The following PLCL1 variants were observed in gnomAD, a reference collection of about 807,000 sequenced individuals.
PLCL1 encodes the protein phospholipase C like 1 (inactive), also known as inactive phospholipase C-like protein 1.
A neutral mutation model predicts 84.4 loss-of-function variants in PLCL1; 41 were observed. That is an observed-to-expected ratio of 0.49 (90% CI 0.38 to 0.63). PLCL1 has a LOEUF of 0.63. Ranked by LOEUF, PLCL1 falls within the 30% of genes least tolerant of loss-of-function variation. The pLI, the probability that PLCL1 is intolerant of heterozygous loss-of-function variation, is 0.00. For synonymous variants in PLCL1, 490 were observed against 488.3 expected (o/e 1.00, Z -0.05); for missense variants, 1,206 against 1,367.8 (o/e 0.88, Z 1.87).
At chr2:197,851,187 G>A (rs535840836) in intron 1 of PLCL1, among the ~76,000 whole-genome samples, 1 of 152,228 alleles carries the variant, frequency 6.6e-6, no homozygotes, top group Admixed American at 6.5e-5. Context: ...ATACCTCCAG[G>A]AAATAAACCT....
intron 1 of PLCL1, among the ~76,000 whole-genome samples, chr2:197,830,365 C>T (rs886223494): frequency 1.8e-4 from 28 of 151,470 alleles, no homozygotes; most frequent in Non-Finnish European, 1.8e-4. Flanking sequence ...ACGAGAACTT[C>T]GTGAAACATA....
rs1692950649 is a variant in PLCL1 at position 198,088,895 on chromosome 2, C to T, written c.2753C>T (p.Pro918Leu). Reference protein sequence around the residue: ...IVSIKELCGLPPIASLKQCLL... With the variant: ...IVSIKELCGLLPIASLKQCLL... ...TCTATTAAGGAACTATGTGGACTCC[C>T]TCCAATTGCCAGTCTGAAGCAGTGC... is the stretch of plus-strand genomic sequence containing the variant. The change falls in exon 3 of 6, where the codon CCT (proline) becomes CTT (leucine). Residue 918 changes from proline (P) to leucine (L), a missense_variant. Pro to Leu is a moderately conservative substitution (Grantham distance 98, BLOSUM62 -3). Transcript: ENST00000428675. 5 of 1,612,910 alleles carry T rather than the reference C, an allele frequency of 3.1e-6. No individual in the cohort carries two copies. Among genetic ancestry groups the T allele is most frequent in the Non-Finnish European group, 4.2e-6 (5 of 1,178,876 alleles).
chr2:197,838,972 T>G (rs1206414292), intron 1 of PLCL1, among the ~76,000 whole-genome samples: 1 of 152,254 alleles, frequency 6.6e-6, no homozygotes, highest in East Asian at 1.9e-4. Flanking sequence ...TTGGTGCATA[T>G]GCATTTATGT....
At chr2:198,021,506 T>C (rs1416169776) in intron 1 of PLCL1, among the ~76,000 whole-genome samples, 1 of 151,414 alleles carries the variant, frequency 6.6e-6, no homozygotes, top group Non-Finnish European at 1.5e-5. Context: ...GCCAGAGTAA[T>C]AAAGAAGAAA....
intron 1 of PLCL1, among the ~76,000 whole-genome samples, chr2:197,891,593 T>C (rs1373501695): frequency 6.7e-6 from 1 of 149,940 alleles, no homozygotes; most frequent in Non-Finnish European, 1.5e-5. Context: ...TTTTTTTTGA[T>C]AGGTGAAGTC....
intron 1 of PLCL1, among the ~76,000 whole-genome samples, chr2:198,009,745 A>G (rs796919111): frequency 7.2e-5 from 11 of 152,064 alleles, no homozygotes; most frequent in East Asian, 1.9e-4. Flanking sequence ...TAGAGTTTGC[A>G]TTGTATCTGT....
chr2:197,917,756 G>A (rs1376855329), intron 1 of PLCL1, among the ~76,000 whole-genome samples: 1 of 152,120 alleles, frequency 6.6e-6, no homozygotes, highest in South Asian at 2.1e-4. Flanking sequence ...AGATGTACGC[G>A]ATGAACCTGT....
intron 1 of PLCL1, among the ~76,000 whole-genome samples, chr2:197,923,254 G>C (rs1439421586): frequency 2.0e-5 from 3 of 148,696 alleles, no homozygotes; most frequent in South Asian, 2.1e-4. Flanking sequence ...CGGGCGGGGG[G>C]CTGACCCCCC....
chr2:198,089,823 A>G (rs760357118), intron 3 of PLCL1, among the ~76,000 whole-genome samples: 79 of 152,230 alleles, frequency 5.2e-4, no homozygotes, highest in Non-Finnish European at 1.3e-4. Context: ...ATAACAATGA[A>G]AAATTAAAAA....
intron 1 of PLCL1, among the ~76,000 whole-genome samples, chr2:197,986,354 T>A (rs1377012089): frequency 6.6e-6 from 1 of 152,160 alleles, no homozygotes; most frequent in Non-Finnish European, 1.5e-5. Flanking sequence ...TAATCATTTT[T>A]AAAAATTATT....
chr2:198,115,780 C>G (rs1693730755), intron 5 of PLCL1, among the ~76,000 whole-genome samples: 1 of 151,588 alleles, frequency 6.6e-6, no homozygotes, highest in African/African-American at 2.4e-5. Flanking sequence ...TTCACTACCA[C>G]TAGAACAGTA....
At chr2:198,131,626 C>T (rs1242986587) in intron 5 of PLCL1, among the ~76,000 whole-genome samples, 1 of 152,178 alleles carries the variant, frequency 6.6e-6, no homozygotes, top group African/African-American at 2.4e-5. Flanking sequence ...ATTAATCATT[C>T]TTCCCACTGC....
At chr2:198,029,036 TCACAGCATATCAGTGGA>T (rs1574258096) in intron 1 of PLCL1, among the ~76,000 whole-genome samples, 1 of 152,232 alleles carries the variant, frequency 6.6e-6, no homozygotes, top group Non-Finnish European at 1.5e-5. Context: ...CTTGGTATAT[TCACAGCATATCAGTGGA>T]GAAGTAAGGA....
intron 1 of PLCL1, among the ~76,000 whole-genome samples, chr2:197,880,698 G>GT (rs893145117): frequency 2.6e-5 from 4 of 152,238 alleles, no homozygotes; most frequent in African/African-American, 9.6e-5. Flanking sequence ...AATATTTATA[G>GT]TTTTTTGTTT....
At chr2:197,865,211 C>T (rs1455935032) in intron 1 of PLCL1, among the ~76,000 whole-genome samples, 11 of 152,056 alleles carry the variant, frequency 7.2e-5, no homozygotes, top group Admixed American at 7.2e-4. Context: ...CTCGCCTGGT[C>T]CTGTGGTCCT....
intron 1 of PLCL1, among the ~76,000 whole-genome samples, chr2:197,973,599 C>T (rs150121336): frequency 4.5e-4 from 69 of 152,160 alleles, no homozygotes; most frequent in Non-Finnish European, 8.7e-4. Context: ...AAGAGCAAGC[C>T]ATGAAAAGGT....
In PLCL1 at chr2:197,853,396, G is replaced by A. The variant is rs368123959; in HGVS notation, c.240+48057G>A. ...GGGTATATTCCCCGGAAGTGGGATT[G>A]CTGGATCGATCATATGGTAATTCTA... On this transcript the variant is annotated intron_variant, in intron 1 of 5. Coordinates refer to ENST00000428675, the MANE Select transcript of PLCL1 (RefSeq NM_006226.4). Among the ~76,000 whole-genome samples the A allele has an allele frequency of 2.4e-4, 36 of 152,272 alleles. 1 individual carries two copies. The East Asian group carries it at 5.8e-3, about 24-fold the overall frequency.
chr2:198,101,967 A>G (rs1693351687), intron 4 of PLCL1, among the ~76,000 whole-genome samples: 2 of 152,050 alleles, frequency 1.3e-5, no homozygotes, highest in South Asian at 4.1e-4. Context: ...TGCTTGATAC[A>G]TTGCATATGC....
chr2:197,922,730 A>T (rs1186974665), intron 1 of PLCL1, among the ~76,000 whole-genome samples: 1 of 103,682 alleles, frequency 9.6e-6, no homozygotes, highest in Non-Finnish European at 2.1e-5. Flanking sequence ...GCGGCCGGGC[A>T]GAGGCGCCCC....
Sources: gnomAD v4.1 joint callset for allele counts (sites outside exome capture counted in the v4.1 genomes callset) on GRCh38, gnomAD v4.1.1 for gene constraint, MANE v1.5 for transcripts, NCBI Gene and HGNC (gene_info 2026-07-23, HGNC 2026-07-21) for gene names.